Variants in WWOX observed in about 807,000 individuals in gnomAD.
WWOX encodes the protein WW domain-containing oxidoreductase.
A neutral mutation model predicts 46.2 loss-of-function variants in WWOX; 69 were observed. That is an observed-to-expected ratio of 1.49 (90% confidence interval 1.23 to 1.82). The LOEUF (loss-of-function observed/expected upper bound fraction) is 1.82, where lower values mean the gene tolerates loss of function less well. WWOX is among the 40% of genes most tolerant of loss of function. The pLI is 0.00. For missense variants in WWOX, 919 were observed against 542.6 expected, an observed-to-expected ratio of 1.69 and a Z score of -6.89; for synonymous variants, 359 against 202.6, an observed-to-expected ratio of 1.77 and a Z score of -6.56.
At chr16:78,644,041 G>C (rs1221979206) in intron 8 of WWOX, among the ~76,000 whole-genome samples, 1 of 152,066 alleles carries the variant, frequency 6.6e-6, no homozygotes, top group Admixed American at 6.6e-5. Flanking sequence ...TGACCAACAT[G>C]GAGAAAACCT....
At chr16:78,970,426 A>T (rs888834098) in intron 8 of WWOX, among the ~76,000 whole-genome samples, 5 of 152,164 alleles carry the variant, frequency 3.3e-5, no homozygotes, top group Non-Finnish European at 7.3e-5. Flanking sequence ...AGCAGTGACA[A>T]AGGTGCAACT....
Position 78,346,988 on chromosome 16 carries a change from G to A in WWOX, c.517-39872G>A, listed in dbSNP as rs1393964812. Among the ~76,000 whole-genome samples, 3 of 119,724 alleles carry A rather than the reference G, an allele frequency of 2.5e-5. 1 individual carries two copies. The highest frequency in any genetic ancestry group is 8.5e-5 in the African/African-American group (3 of 35,232). The allele number at this position is 119,724 out of a possible 152,430, so 78.5% of individuals were successfully genotyped here. On this transcript the variant is annotated intron_variant, in intron 5 of 8. Coordinates refer to ENST00000566780, the MANE Select transcript of WWOX (RefSeq NM_016373.4). ...GATCTGCCTGCCTCGGCCTCCCAAA[G>A]TGCTGGGATTACAGGTGTGAGCCAC...
chr16:78,860,311 T>G (rs557827211), intron 8 of WWOX, among the ~76,000 whole-genome samples: 2 of 152,236 alleles, frequency 1.3e-5, no homozygotes, highest in African/African-American at 2.4e-5. Flanking sequence ...GGCCTACTTC[T>G]GTGAAGGTAA....
At chr16:78,473,164 CTG>C (rs901002491) in intron 8 of WWOX, among the ~76,000 whole-genome samples, 4 of 152,188 alleles carry the variant, frequency 2.6e-5, no homozygotes, top group African/African-American at 9.7e-5. Flanking sequence ...GAGTCTCACT[CTG>C]TCACCCAGGC....
At chr16:78,858,277 G>A (rs1381413813) in intron 8 of WWOX, among the ~76,000 whole-genome samples, 3 of 149,532 alleles carry the variant, frequency 2.0e-5, no homozygotes. Flanking sequence ...TCAGATTTCA[G>A]TGTACCCATC....
At chr16:79,129,983 A>G (rs2049843175) in intron 8 of WWOX, among the ~76,000 whole-genome samples, 1 of 152,222 alleles carries the variant, frequency 6.6e-6, no homozygotes, top group Non-Finnish European at 1.5e-5. Flanking sequence ...TCTGTAAAAT[A>G]GAGGTAATAA....
intron 5 of WWOX, among the ~76,000 whole-genome samples, chr16:78,298,993 G>C (rs1274829619): frequency 6.6e-6 from 1 of 151,952 alleles, no homozygotes; most frequent in Non-Finnish European, 1.5e-5. Flanking sequence ...TTCGAAGAAA[G>C]TTTACGCCAA....
intron 8 of WWOX, among the ~76,000 whole-genome samples, chr16:79,075,797 T>C (rs1344083373): frequency 1.3e-5 from 2 of 152,172 alleles, no homozygotes; most frequent in Non-Finnish European, 2.9e-5. Flanking sequence ...GAGGTTTACA[T>C]ACATGGTGTA....
chr16:78,206,197 C>T (rs1468940594), intron 5 of WWOX, among the ~76,000 whole-genome samples: 1 of 152,034 alleles, frequency 6.6e-6, no homozygotes, highest in Non-Finnish European at 1.5e-5. Context: ...GATATAATAA[C>T]AGCTATGCTA....
At chr16:78,358,866 C>CTTTTT (rs57364873) in intron 5 of WWOX, among the ~76,000 whole-genome samples, 53,993 of 120,068 alleles carry the variant, frequency 0.45, 13,541 homozygotes, top group Non-Finnish European at 0.57. Flanking sequence ...ACACTGTGGT[C>CTTTTT]TTTTTTTTTT....
In WWOX at chr16:78,658,615, G is replaced by A. The variant is rs528847087; in HGVS notation, c.1056+225863G>A. 1.5e-4 allele frequency among the ~76,000 whole-genome samples: 23 copies of A among 152,190 alleles called. No individual in the cohort carries two copies. In the South Asian group the frequency reaches 3.7e-3, roughly 25 times the overall value. On this transcript the variant is annotated intron_variant, in intron 8 of 8. Transcript: ENST00000566780. ...TGGCTGCCATTAATCCTTGACATTCGTCGGCTTGTGGCAGCAGAACCCCAG... is the reference window on the plus strand; with the variant it reads ...TGGCTGCCATTAATCCTTGACATTCATCGGCTTGTGGCAGCAGAACCCCAG...
At chr16:78,585,875 T>A (rs2151594974) in intron 8 of WWOX, among the ~76,000 whole-genome samples, 1 of 152,122 alleles carries the variant, frequency 6.6e-6, no homozygotes, top group Admixed American at 6.5e-5. Context: ...TCTTGTTCTC[T>A]CTTCCAAGCT....
At chr16:79,076,065 T>G (rs2048650367) in intron 8 of WWOX, among the ~76,000 whole-genome samples, 1 of 152,192 alleles carries the variant, frequency 6.6e-6, no homozygotes, top group Admixed American at 6.5e-5. Context: ...TTCTTAGAAA[T>G]TTGTTACTTA....
rs760577782 is a variant in WWOX, at chr16:78,425,103, G to C, written c.791+48G>C. On this transcript the variant is annotated intron_variant, in intron 7 of 8. Transcript: ENST00000566780. ...TTCACTTATCCCCTTTCTCATACCAGCTAATATTCCCCCAAGGCTCTCATT... is the reference window on the plus strand; with the variant it reads ...TTCACTTATCCCCTTTCTCATACCACCTAATATTCCCCCAAGGCTCTCATT... 2.5e-6 allele frequency: 4 copies of C among 1,606,160 alleles called. No individual in the cohort carries two copies. In the South Asian group the frequency reaches 3.3e-5, roughly 13 times the overall value.
intron 6 of WWOX, among the ~76,000 whole-genome samples, chr16:78,394,182 C>G (rs2082238143): frequency 6.6e-6 from 1 of 152,148 alleles, no homozygotes; most frequent in African/African-American, 2.4e-5. Context: ...GCCAACATAT[C>G]TGCATTACTC....
chr16:79,099,253 A>C (rs956360335), intron 8 of WWOX, among the ~76,000 whole-genome samples: 4 of 152,220 alleles, frequency 2.6e-5, no homozygotes, highest in Non-Finnish European at 4.4e-5. Flanking sequence ...ACATCTTCAC[A>C]CAAGAGATCA....
At chr16:79,071,184 A>C (rs1320645056) in intron 8 of WWOX, among the ~76,000 whole-genome samples, 2 of 152,188 alleles carry the variant, frequency 1.3e-5, no homozygotes, top group Non-Finnish European at 2.9e-5. Flanking sequence ...TCTGATGAAC[A>C]CAGTTAAGGG....
chr16:78,391,360 A>G (rs572982455), intron 6 of WWOX, among the ~76,000 whole-genome samples: 1 of 152,362 alleles, frequency 6.6e-6, no homozygotes, highest in South Asian at 2.1e-4. Flanking sequence ...ACACTTAACC[A>G]TGATTATCCC....
intron 5 of WWOX, among the ~76,000 whole-genome samples, chr16:78,361,549 T>C (rs751602435): frequency 2.0e-5 from 3 of 152,160 alleles, no homozygotes; most frequent in African/African-American, 7.2e-5. Flanking sequence ...CCTTACTCTT[T>C]TTATAGTCAG....
Sources: gnomAD v4.1 joint callset for allele counts (sites outside exome capture counted in the v4.1 genomes callset) on GRCh38, gnomAD v4.1.1 for gene constraint, MANE v1.5 for transcripts, NCBI Gene and HGNC (gene_info 2026-07-23, HGNC 2026-07-21) for gene names.